ARHGEF3: variants seen among roughly 807,000 people sequenced by gnomAD.
ARHGEF3 encodes the protein 59.8 kDA protein.
In ARHGEF3, 28 loss-of-function variants were observed where a neutral mutation model predicts 63.2. That is an observed-to-expected ratio of 0.44 (90% CI 0.33 to 0.61). The LOEUF is 0.61. Among genes scored for constraint, ARHGEF3 ranks in the 20% least tolerant of loss-of-function variants. The pLI is 0.03. For synonymous variants in ARHGEF3, 266 were observed against 254.2 expected, an observed-to-expected ratio of 1.05 and a Z score of -0.44; for missense variants, 533 against 659.3, an observed-to-expected ratio of 0.81 and a Z score of 2.10.
chr3:56,874,175 T>C (rs1426406102), intron 4 of ARHGEF3, among the ~76,000 whole-genome samples: 1 of 152,148 alleles, frequency 6.6e-6, no homozygotes, highest in Non-Finnish European at 1.5e-5. Flanking sequence ...GGACCAAACA[T>C]AGGGTATCTG....
intron 7 of ARHGEF3, among the ~76,000 whole-genome samples, chr3:56,743,035 C>T (rs920972412): frequency 6.6e-6 from 1 of 152,184 alleles, no homozygotes; most frequent in African/African-American, 2.4e-5. Flanking sequence ...GCTCATGCTC[C>T]CTGTTGTTTT....
intron 2 of ARHGEF3, among the ~76,000 whole-genome samples, chr3:56,756,143 T>C (rs1272680406): frequency 6.6e-6 from 1 of 152,206 alleles, no homozygotes; most frequent in Non-Finnish European, 1.5e-5. Context: ...GCTACCAAAA[T>C]GCTTTTCATG....
chr3:56,965,623 G>A (rs1700457965), intron 2 of ARHGEF3, among the ~76,000 whole-genome samples: 1 of 150,062 alleles, frequency 6.7e-6, no homozygotes, highest in African/African-American at 2.4e-5. Context: ...TGATAAGGAA[G>A]TAGATTAAAT....
chr3:56,970,262 G>C (rs1165786959), intron 2 of ARHGEF3, among the ~76,000 whole-genome samples: 3 of 152,164 alleles, frequency 2.0e-5, no homozygotes, highest in Admixed American at 6.6e-5. Context: ...TTTGAAAAGT[G>C]AGGGTGAAAT....
intron 3 of ARHGEF3, among the ~76,000 whole-genome samples, chr3:56,909,241 T>A (rs563279770): frequency 6.6e-6 from 1 of 152,298 alleles, no homozygotes; most frequent in Non-Finnish European, 1.5e-5. Flanking sequence ...AAGATACACA[T>A]GAACTCAGGA....
intron 1 of ARHGEF3, among the ~76,000 whole-genome samples, chr3:57,050,959 A>G (rs1436675766): frequency 6.6e-6 from 1 of 152,204 alleles, no homozygotes; most frequent in Non-Finnish European, 1.5e-5. Context: ...CCAGAGAATG[A>G]ATTATGGCAG....
chr3:57,017,032 T>TCTCACACACACACACA (rs1221332567), intron 2 of ARHGEF3, among the ~76,000 whole-genome samples: 1 of 104,392 alleles, frequency 9.6e-6, no homozygotes, highest in African/African-American at 3.5e-5. Flanking sequence ...TCTCTCTCTC[T>TCTCACACACACACACA]CACACACACA....
At chr3:56,737,683 C>T (rs1031994996) in intron 7 of ARHGEF3, among the ~76,000 whole-genome samples, 1 of 151,990 alleles carries the variant, frequency 6.6e-6, no homozygotes, top group African/African-American at 2.4e-5. Context: ...AAAACGTGCT[C>T]ACAATGTTGA....
chr3:57,015,237 C>T (rs890729442), intron 2 of ARHGEF3, among the ~76,000 whole-genome samples: 4 of 152,162 alleles, frequency 2.6e-5, no homozygotes, highest in African/African-American at 9.7e-5. Context: ...CACTATACCC[C>T]GTTTCTAATC....
At chr3:56,897,416 G>A (rs1036214879) in intron 3 of ARHGEF3, among the ~76,000 whole-genome samples, 2 of 152,154 alleles carry the variant, frequency 1.3e-5, no homozygotes, top group African/African-American at 4.8e-5. Context: ...GTATTTAGAA[G>A]CCAAGATCTG....
intron 4 of ARHGEF3, among the ~76,000 whole-genome samples, chr3:56,835,700 G>C (rs1169350284): frequency 6.6e-6 from 1 of 152,046 alleles, no homozygotes; most frequent in Non-Finnish European, 1.5e-5. Flanking sequence ...TTAGCAGAAA[G>C]ACTTAAAATG....
intron 1 of ARHGEF3, among the ~76,000 whole-genome samples, chr3:57,055,661 TG>T (rs892585484): frequency 1.3e-5 from 2 of 152,118 alleles, no homozygotes; most frequent in African/African-American, 4.8e-5. Context: ...CTGTCAGCTA[TG>T]ACCACAAACC....
intron 3 of ARHGEF3, among the ~76,000 whole-genome samples, chr3:56,919,511 G>A (rs750901100): frequency 4.7e-4 from 71 of 152,176 alleles, no homozygotes; most frequent in Non-Finnish European, 6.9e-4. Flanking sequence ...GCTATGGTAT[G>A]GAAGGAAATT....
intron 4 of ARHGEF3, among the ~76,000 whole-genome samples, chr3:56,821,962 C>CGAGAA (rs11278622): frequency 0.031 from 3,636 of 118,816 alleles, 120 homozygotes; most frequent in East Asian, 0.11. Context: ...GACTCTGTCT[C>CGAGAA]GAGAAGAGAA....
chr3:57,054,939 G>A (rs556052671), intron 1 of ARHGEF3, among the ~76,000 whole-genome samples: 19 of 151,718 alleles, frequency 1.3e-4, no homozygotes, highest in African/African-American at 4.3e-4. Context: ...GTGAGCCATC[G>A]CACCCAGCAA....
chr3:56,747,367 C>A (rs1366935766), intron 6 of ARHGEF3, among the ~76,000 whole-genome samples: 1 of 152,198 alleles, frequency 6.6e-6, no homozygotes, highest in African/African-American at 2.4e-5. Flanking sequence ...GGCTCTGGTC[C>A]TGTGCTCTCA....
At chr3:57,005,925 C>A (rs1702449528) in intron 2 of ARHGEF3, among the ~76,000 whole-genome samples, 1 of 152,144 alleles carries the variant, frequency 6.6e-6, no homozygotes, top group Admixed American at 6.5e-5. Flanking sequence ...TGGGATAAAT[C>A]AATATTATTT....
chr3:56,761,244 C>G (rs572644526), intron 2 of ARHGEF3, among the ~76,000 whole-genome samples: 1 of 152,268 alleles, frequency 6.6e-6, no homozygotes, highest in East Asian at 1.9e-4. Context: ...ACAGCACTGA[C>G]CACATACCAT....
chr3:57,051,398 A>G (rs900722070), intron 1 of ARHGEF3, among the ~76,000 whole-genome samples: 3 of 151,938 alleles, frequency 2.0e-5, no homozygotes, highest in Admixed American at 2.0e-4. Flanking sequence ...GAGGCAGGAG[A>G]ATGGCTTGAA....
Sources: gnomAD v4.1 joint callset for allele counts (sites outside exome capture counted in the v4.1 genomes callset) on GRCh38, gnomAD v4.1.1 for gene constraint, MANE v1.5 for transcripts, NCBI Gene and HGNC (gene_info 2026-07-23, HGNC 2026-07-21) for gene names.